WARS1: variants seen among roughly 807,000 people sequenced by gnomAD.
WARS1 encodes tryptophanyl-tRNA synthetase 1, also known as tryptophan--tRNA ligase, cytoplasmic.
In WARS1, 17 loss-of-function variants were observed where a neutral mutation model predicts 47.8. The ratio of observed to expected loss-of-function variants is 0.36; its 90% CI spans 0.24 to 0.53. WARS1 has a LOEUF of 0.53. WARS1 is among the 20% of genes least tolerant of loss of function. WARS1 has a pLI of 0.91. For missense variants in WARS1, 434 were observed against 608.0 expected (o/e 0.71, Z 3.01); for synonymous variants, 208 against 228.1 (o/e 0.91, Z 0.79).
intron 7 of WARS1, 119 bp downstream of exon 7, chr14:100,346,623 TAAAG>T (rs1894636058): frequency 1.3e-6 from 1 of 794,600 alleles, no homozygotes; most frequent in Non-Finnish European, 2.1e-6. Flanking sequence ...GCATCCTACT[TAAAG>T]AGACAGTTGC....
chr14:100,360,458 C>T (rs1895591635), intron 4 of WARS1, 96 bp downstream of exon 4: 6 of 896,428 alleles, frequency 6.7e-6, no homozygotes, highest in Non-Finnish European at 1.7e-6. Flanking sequence ...TCACTTTTCC[C>T]ACAGTACCAG....
At position 100,370,637 on chromosome 14, in the gene WARS1, A is replaced by C. The variant is rs142110706; in HGVS notation, c.-73-1379T>G. The C allele has an allele frequency of 7.9e-5, 12 of 152,308 alleles. No individual in the cohort carries two copies. The East Asian group carries it at 2.3e-3, about 29-fold the overall frequency. The allele number at this position is 152,308 out of a possible 1,614,324, so 9.4% of individuals were successfully genotyped here. A position where few individuals can be genotyped will look rare whatever the true frequency, so the allele number is the denominator to read the frequency against. On this transcript the variant is annotated intron_variant, in intron 1 of 10. Transcript: ENST00000392882. ...ATGTATCAATTCACTTAAGCCTTGC[A>C]GCAGTCCTATGAAATAGATTTGTAA...
chr14:100,368,662 A>T (rs1354692447), intron 2 of WARS1, among the ~76,000 whole-genome samples: 1 of 152,218 alleles, frequency 6.6e-6, no homozygotes, highest in Non-Finnish European at 1.5e-5. Flanking sequence ...GGAAAAATAC[A>T]TTTAAAACTA....
rs1026308874 is a variant in WARS1, at chr14:100,375,328, G to C, written c.-119C>G. The C allele has an allele frequency of 6.6e-6, 1 of 152,258 alleles. No homozygotes were observed. The highest frequency in any genetic ancestry group is 2.4e-5 in the African/African-American group (1 of 41,464). The allele number at this position is 152,258 out of a possible 1,614,324, so 9.4% of individuals were successfully genotyped here. A position where few individuals can be genotyped will look rare whatever the true frequency, so the allele number is the denominator to read the frequency against. On this transcript the variant is annotated 5_prime_UTR_variant, in exon 1 of 11. Coordinates refer to ENST00000392882, the MANE Select transcript of WARS1 (RefSeq NM_004184.4). ...CAGAGGTGGCCACTGGTCACGCTGG[G>C]CAGTTGAGCTGCTGAGAGTGCCCTG...
chr14:100,346,751 C>T lies in WARS1; in HGVS notation c.821G>A (p.Cys274Tyr), dbSNP rs1287501951. 4 of 1,613,720 alleles carry T rather than the reference C, an allele frequency of 2.5e-6. No homozygotes were observed. The highest frequency in any genetic ancestry group is 4.5e-5 in the East Asian group (2 of 44,896). The change falls in exon 7 of 11, where the codon TGC becomes TAC. Residue 274 changes from cysteine (C) to tyrosine (Y), a missense_variant. Transcript: ENST00000392882. ...AGCAGCAGTGGGCCTCTTACCAATG[C>T]AGTCGCTGTCAGTGAAGCCGAAAAT... ...KGIFGFTDSD[C>Y]IGKISFPAIQ...
intron 7 of WARS1, among the ~76,000 whole-genome samples, chr14:100,344,347 G>A (rs1460497832): frequency 5.9e-5 from 9 of 152,214 alleles, no homozygotes; most frequent in Non-Finnish European, 1.2e-4. Flanking sequence ...GGCCTCCTGA[G>A]GTGCCGGGAT....
intron 8 of WARS1, 33 bp from the exon 9 acceptor site, chr14:100,342,604 G>A: frequency 6.4e-7 from 1 of 1,574,238 alleles, no homozygotes; most frequent in Non-Finnish European, 8.6e-7. Flanking sequence ...GATGAGGGCG[G>A]CCAGAAAACA....
chr14:100,370,613 T>C (rs996796461), intron 1 of WARS1: 1 of 152,210 alleles, frequency 6.6e-6, no homozygotes, highest in Non-Finnish European at 1.5e-5. Flanking sequence ...GCACCGTATA[T>C]GTATCAATTC....
chr14:100,374,492 T>C (rs777079965), intron 1 of WARS1, among the ~76,000 whole-genome samples: 1 of 152,152 alleles, frequency 6.6e-6, no homozygotes, highest in African/African-American at 2.4e-5. Flanking sequence ...AGGAGCATAA[T>C]AGGCACTTAA....
chr14:100,342,695 C>A (rs1894251854), intron 8 of WARS1, 124 bp from the exon 9 acceptor site: 2 of 826,394 alleles, frequency 2.4e-6, no homozygotes, highest in African/African-American at 4.6e-5. Flanking sequence ...AATTCACTCC[C>A]TCCTCCCCTT....
upstream of WARS1, chr14:100,375,996 C>G (rs1033955643): frequency 4.6e-5 from 7 of 153,346 alleles, no homozygotes; most frequent in African/African-American, 1.7e-4. Context: ...ATGGGGGCCT[C>G]TCTCCTCGGG....
At chr14:100,350,652 G>A (rs1894920703) in intron 6 of WARS1, among the ~76,000 whole-genome samples, 1 of 152,172 alleles carries the variant, frequency 6.6e-6, no homozygotes, top group Admixed American at 6.6e-5. Context: ...CTCACCACCA[G>A]CATTTATATC....
chr14:100,376,317 T>A (rs1363558816), upstream of WARS1: 10 of 1,145,596 alleles, frequency 8.7e-6, no homozygotes, highest in East Asian at 3.2e-5. Context: ...CTCCTGGGCG[T>A]CCGTGGAAAC....
chr14:100,345,049 GC>G (rs758627289), intron 7 of WARS1, among the ~76,000 whole-genome samples: 3,073 of 25,812 alleles, frequency 0.12, 193 homozygotes, highest in Non-Finnish European at 0.19. Flanking sequence ...GAGGGAGGTG[GC>G]GGGGTCAGCC....
chr14:100,362,692 C>G (rs1421464107), intron 2 of WARS1, among the ~76,000 whole-genome samples: 1 of 152,210 alleles, frequency 6.6e-6, no homozygotes, highest in Non-Finnish European at 1.5e-5. Context: ...AAGCTCTATT[C>G]TGGTAATTGG....
chr14:100,371,608 A>G (rs567836187), intron 1 of WARS1, among the ~76,000 whole-genome samples: 3 of 152,018 alleles, frequency 2.0e-5, no homozygotes, highest in East Asian at 3.9e-4. Context: ...GGTGGCATGT[A>G]CCTGTAGTCC....
At chr14:100,363,975 C>T (rs1895804728) in intron 2 of WARS1, among the ~76,000 whole-genome samples, 1 of 152,116 alleles carries the variant, frequency 6.6e-6, no homozygotes, top group Non-Finnish European at 1.5e-5. Flanking sequence ...GTATTACATA[C>T]AGTTCAAACC....
At chr14:100,376,267 A>T, upstream of WARS1, 1 of 674,748 alleles carries the variant, frequency 1.5e-6, no homozygotes, top group Non-Finnish European at 2.1e-6. Flanking sequence ...TACCCTGCCC[A>T]GCCGGGCCAG....
chr14:100,352,687 G>T (rs1161079438), intron 6 of WARS1, among the ~76,000 whole-genome samples: 2 of 152,164 alleles, frequency 1.3e-5, no homozygotes, highest in African/African-American at 4.8e-5. Flanking sequence ...CCTTAGGGGA[G>T]TACCATGCCT....
Sources: allele counts gnomAD v4.1 joint callset (sites outside exome capture counted in the v4.1 genomes callset), GRCh38; gene constraint gnomAD v4.1.1; transcripts MANE v1.5; gene names NCBI Gene and HGNC (gene_info 2026-07-23, HGNC 2026-07-21).